METTL25: variants seen among roughly 807,000 people sequenced by gnomAD.
The protein encoded by METTL25 is methyltransferase like 25.
METTL25 carries 64 observed loss-of-function variants against 71.6 expected under a neutral mutation model. That is an observed-to-expected ratio of 0.89 (90% CI 0.73 to 1.10). METTL25 has a LOEUF of 1.10. METTL25 is among the 50% of genes least tolerant of loss of function. METTL25 has a pLI of 0.00. For missense variants in METTL25, 807 were observed against 707.0 expected, an observed-to-expected ratio of 1.14 and a Z score of -1.60; for synonymous variants, 287 against 250.3, an observed-to-expected ratio of 1.15 and a Z score of -1.38.
intron 11 of METTL25, 36 bp from the exon 12 acceptor site, chr12:82,478,890 TCAACAA>T: frequency 6.6e-7 from 1 of 1,517,722 alleles, no homozygotes; most frequent in African/African-American, 1.4e-5. Context: ...ATTTTTTTCT[TCAACAA>T]ATGGTTGTAT....
chr12:82,377,833 T>A (rs1235942810), intron 1 of METTL25, among the ~76,000 whole-genome samples: 1 of 152,138 alleles, frequency 6.6e-6, no homozygotes, highest in African/African-American at 2.4e-5. Flanking sequence ...AACCACTGCA[T>A]CAAAAAAAGG....
intron 1 of METTL25, among the ~76,000 whole-genome samples, chr12:82,371,756 T>C (rs1355695971): frequency 6.6e-6 from 1 of 152,136 alleles, no homozygotes; most frequent in Admixed American, 6.5e-5. Context: ...GTGAGCCGGG[T>C]GACAGGGGAG....
chr12:82,444,073 A>G (rs773761866), intron 8 of METTL25, among the ~76,000 whole-genome samples: 22 of 152,214 alleles, frequency 1.4e-4, no homozygotes, highest in Non-Finnish European at 2.8e-4. Flanking sequence ...AAATACTTCA[A>G]TGTAGGAAAG....
In METTL25 at chr12:82,458,017, A is replaced by G. The variant is rs188672678; in HGVS notation, c.1572+1197A>G. On this transcript the variant is annotated intron_variant, in intron 9 of 11. Transcript: ENST00000248306. ...TATCAAGAACACAAACCTAAGCATT[A>G]TTGTCACAAATTAAGAGCTACAGTT... 9.1e-4 allele frequency among the ~76,000 whole-genome samples: 139 copies of G among 152,216 alleles called. 2 individuals are homozygous for G. In the East Asian group the frequency reaches 0.018, roughly 20 times the overall value.
intron 5 of METTL25, among the ~76,000 whole-genome samples, chr12:82,424,279 C>G (rs187119635): frequency 0.058 from 8,809 of 151,946 alleles, 331 homozygotes; most frequent in Middle Eastern, 0.12. Context: ...AGCAAACTAT[C>G]GCAAGGACAA....
chr12:82,471,311 T>G (rs1170754236), intron 9 of METTL25, among the ~76,000 whole-genome samples: 5 of 152,244 alleles, frequency 3.3e-5, no homozygotes, highest in African/African-American at 1.2e-4. Context: ...GGCCACATTC[T>G]CTAGCCCTGC....
At chr12:82,457,264 T>C (rs1398178015) in intron 9 of METTL25, among the ~76,000 whole-genome samples, 1 of 151,684 alleles carries the variant, frequency 6.6e-6, no homozygotes, top group African/African-American at 2.4e-5. Flanking sequence ...TAGTAATTGA[T>C]AACATATTAC....
chr12:82,383,993 C>G (rs10746244), intron 1 of METTL25, among the ~76,000 whole-genome samples: 129,074 of 152,124 alleles, frequency 0.85, 55,132 homozygotes, highest in East Asian at 1. Context: ...TATAACTTGT[C>G]TTATCAGAAA....
At chr12:82,398,699 G>C (rs1017260293) in intron 3 of METTL25, 96 bp from the exon 4 acceptor site, 2 of 712,230 alleles carry the variant, frequency 2.8e-6, no homozygotes, top group Non-Finnish European at 4.0e-6. Context: ...TAATATTTAA[G>C]TTATATAACT....
intron 5 of METTL25, among the ~76,000 whole-genome samples, chr12:82,406,345 C>A (rs2137040185): frequency 6.6e-6 from 1 of 151,990 alleles, no homozygotes; most frequent in South Asian, 2.1e-4. Flanking sequence ...AGTCCCCGTA[C>A]CTATATTGTT....
intron 8 of METTL25, among the ~76,000 whole-genome samples, chr12:82,454,906 T>C (rs2137249121): frequency 6.6e-6 from 1 of 152,052 alleles, no homozygotes; most frequent in Middle Eastern, 3.4e-3. Context: ...ACATCATGGC[T>C]CAGTTCTGAG....
At position 82,384,640 on chromosome 12, in the gene METTL25, A is replaced by G. The variant is rs148388359; in HGVS notation, c.260-2163A>G. On this transcript the variant is annotated intron_variant, in intron 1 of 11. Coordinates refer to ENST00000248306, the MANE Select transcript of METTL25 (RefSeq NM_032230.3). Reference sequence around the variant, plus strand: ...TAAAAAAAAATATTGTTGTAAAGATAATATTGTAACTCAGATCTTTAAATT... The same window carrying G: ...TAAAAAAAAATATTGTTGTAAAGATGATATTGTAACTCAGATCTTTAAATT... 2.8e-3 allele frequency among the ~76,000 whole-genome samples: 419 copies of G among 152,212 alleles called. 1 individual carries two copies. Among genetic ancestry groups the G allele is most frequent in the African/African-American group, 9.7e-3 (402 of 41,550 alleles).
chr12:82,401,625 A>T (rs938625520), intron 4 of METTL25, among the ~76,000 whole-genome samples: 1 of 152,014 alleles, frequency 6.6e-6, no homozygotes, highest in South Asian at 2.1e-4. Flanking sequence ...ATTAATAACT[A>T]TTTCTTTAAC....
At chr12:82,475,071 T>G (rs2137315557) in intron 9 of METTL25, among the ~76,000 whole-genome samples, 1 of 152,270 alleles carries the variant, frequency 6.6e-6, no homozygotes, top group Admixed American at 6.5e-5. Context: ...TGCTTCCCAA[T>G]TTGGCACAAC....
At chr12:82,387,032 T>A (rs764351841) in intron 2 of METTL25, 65 bp downstream of exon 2, 6 of 1,278,602 alleles carry the variant, frequency 4.7e-6, no homozygotes, top group Non-Finnish European at 6.5e-6. Flanking sequence ...TTTGTTCATA[T>A]ATGTGTATCT....
intron 9 of METTL25, chr12:82,476,341 G>A (rs1322615103): frequency 4.0e-6 from 1 of 251,408 alleles, no homozygotes; most frequent in Non-Finnish European, 7.5e-6. Flanking sequence ...CTCCTCCTGT[G>A]TGTCCAAAGC....
intron 9 of METTL25, among the ~76,000 whole-genome samples, chr12:82,464,151 G>A (rs1024381227): frequency 1.1e-4 from 16 of 151,508 alleles, no homozygotes; most frequent in African/African-American, 3.1e-4. Flanking sequence ...TTTAGTTGCC[G>A]GTGCTTTTGA....
At chr12:82,406,054 G>A (rs1887061792) in intron 5 of METTL25, among the ~76,000 whole-genome samples, 1 of 152,122 alleles carries the variant, frequency 6.6e-6, no homozygotes. Flanking sequence ...AAATGGGGGA[G>A]AGGCTCATAA....
chr12:82,440,795 C>T lies in METTL25; in HGVS notation c.1478+2004C>T, dbSNP rs573445815. Reference sequence around the variant, plus strand: ...CATGCCAGAGATGTGTGTGCACATGCGTGTGTGTGTTTAAATTTGTTTTTA... The same window carrying T: ...CATGCCAGAGATGTGTGTGCACATGTGTGTGTGTGTTTAAATTTGTTTTTA... On this transcript the variant is annotated intron_variant, in intron 8 of 11. Transcript: ENST00000248306. Among the ~76,000 whole-genome samples, 5 of 152,016 alleles carry T rather than the reference C, an allele frequency of 3.3e-5. No individual in the cohort carries two copies. In the East Asian group the frequency reaches 7.8e-4, roughly 24 times the overall value.
Sources: allele counts gnomAD v4.1 joint callset (sites outside exome capture counted in the v4.1 genomes callset), GRCh38; gene constraint gnomAD v4.1.1; transcripts MANE v1.5; gene names NCBI Gene and HGNC (gene_info 2026-07-23, HGNC 2026-07-21).